The following ZBTB4 variants were observed in gnomAD, a reference collection of about 807,000 sequenced individuals.
ZBTB4 encodes the protein zinc finger and BTB domain containing 4.
In ZBTB4, 14 loss-of-function variants were observed where a neutral mutation model predicts 59.8. The observed-to-expected ratio is 0.23, with a 90% CI of 0.15 to 0.37. The LOEUF (loss-of-function observed/expected upper bound fraction) is 0.37. ZBTB4 is among the 10% of genes least tolerant of loss of function. ZBTB4 has a pLI of 1.00. For missense variants in ZBTB4, 1,198 were observed against 1,380.8 expected (o/e 0.87, Z 2.10); for synonymous variants, 587 against 575.2 (o/e 1.02, Z -0.29).
At chr17:7,482,268 T>G, upstream of ZBTB4, 1 of 1,614,032 alleles carries the variant, frequency 6.2e-7, no homozygotes, top group African/African-American at 1.3e-5. Context: ...GACCCCCTTC[T>G]GGGACCTCCT....
Position 7,466,920 on chromosome 17 carries a change from G to T in ZBTB4, c.-9-110C>A. The stretch of plus-strand genomic sequence containing the variant: ...AGGAGCTGCTGGTCAGAAACTAGTG[G>T]AAGGCTGAATCACTTCTGGTCACAG... On this transcript the variant is annotated intron_variant, in intron 2 of 3. Transcript: ENST00000380599. The surrounding 1 kb of genome is among the most constrained non-coding windows in gnomAD (Gnocchi z 9.1). The T allele has an allele frequency of 7.0e-7, 1 of 1,429,364 alleles. No homozygotes were observed. Among genetic ancestry groups the T allele is most frequent in the Non-Finnish European group, 9.1e-7 (1 of 1,093,586 alleles). 88.5% of individuals were successfully genotyped at this position (1,429,364 alleles called of 1,614,324 possible). A position where few individuals can be genotyped will look rare whatever the true frequency, so the allele number is the denominator to read the frequency against.
chr17:7,469,719 C>G (rs887095692), intron 1 of ZBTB4, among the ~76,000 whole-genome samples: 1 of 149,888 alleles, frequency 6.7e-6, no homozygotes, highest in South Asian at 2.1e-4. Flanking sequence ...GAGCCGAGAT[C>G]GCGCTGGATG....
At position 7,463,035 on chromosome 17, in the gene ZBTB4, C is replaced by CTCCTCCTCCTCTTCG. The variant is rs544254340; in HGVS notation, c.1932_1946dup (p.Asp644_Glu648dup). On this transcript the variant is annotated inframe_insertion, in exon 4 of 4. Transcript: ENST00000380599. The stretch of plus-strand genomic sequence containing the variant: ...CAGCCTTTGATTCCTCCTCATCCTC[C>CTCCTCCTCCTCTTCG]TCCTCCTCCTCTTCGTCCTCCTCCT... 30 of 1,611,250 alleles carry CTCCTCCTCCTCTTCG rather than the reference C, an allele frequency of 1.9e-5. No individual in the cohort carries two copies. The highest frequency in any genetic ancestry group is 1.3e-4 in the East Asian group (6 of 44,884).
At chr17:7,472,097 C>T (rs528116439) in intron 1 of ZBTB4, among the ~76,000 whole-genome samples, 4 of 152,278 alleles carry the variant, frequency 2.6e-5, no homozygotes, top group East Asian at 1.9e-4. Flanking sequence ...TTAGAAGCCA[C>T]CTTCCCCTGA....
rs1567683254 is a variant in ZBTB4 at position 7,462,401 on chromosome 17, C to CT, written c.2580dup (p.Val861SerfsTer36). The CT allele has an allele frequency of 6.2e-7, 1 of 1,613,990 alleles. No homozygotes were observed. The highest frequency in any genetic ancestry group is 1.7e-5 in the Admixed American group (1 of 60,014). On this transcript the variant is annotated frameshift_variant, in exon 4 of 4. Coordinates refer to ENST00000380599, the MANE Select transcript of ZBTB4 (RefSeq NM_001128833.2). LOFTEE classifies it high-confidence loss of function. The surrounding 1 kb of genome is among the most constrained non-coding windows in gnomAD (Gnocchi z 7.5). ...TATACATAGCTGCCCCCGCTTGCCA[C>CT]TACTGGGGGCTCCTCACCCCCTGAA...
At chr17:7,481,839 G>T, upstream of ZBTB4, 1 of 1,157,266 alleles carries the variant, frequency 8.6e-7, no homozygotes. Flanking sequence ...TCATCTTTTA[G>T]GCCCTTTCTA....
upstream of ZBTB4, chr17:7,482,595 C>T (rs774882206): frequency 6.2e-7 from 1 of 1,612,082 alleles, no homozygotes. Flanking sequence ...CTGGCGCTGT[C>T]CCTGGGGCTT....
intron 1 of ZBTB4, among the ~76,000 whole-genome samples, chr17:7,475,951 C>T (rs748300721): frequency 3.3e-5 from 5 of 152,200 alleles, no homozygotes; most frequent in Admixed American, 2.6e-4. Flanking sequence ...CAAGGTCTCA[C>T]GTGCTAAGTG....
upstream of ZBTB4, chr17:7,482,025 C>T: frequency 1.2e-6 from 2 of 1,611,016 alleles, no homozygotes; most frequent in South Asian, 1.1e-5. Flanking sequence ...CCTGACTCCA[C>T]ACACCCATCG....
At position 7,463,631 on chromosome 17, in the gene ZBTB4, T is replaced by A; in HGVS notation, c.1351A>T (p.Met451Leu). The A allele has an allele frequency of 6.2e-7, 1 of 1,609,268 alleles. No homozygotes were observed. Among genetic ancestry groups the A allele is most frequent in the South Asian group, 1.1e-5 (1 of 90,814 alleles). The stretch of plus-strand genomic sequence containing the variant: ...GGCCCAGGCGGCGGGCTGGCTGGCA[T>A]TGCCACAGGGGCCGGTGTGTTGAGG... ...PTLNTPAPVA[M>L]PASPPPGPPP... The change falls in exon 4 of 4, where the codon ATG (methionine) becomes TTG (leucine). Residue 451 changes from methionine (M) to leucine (L), a missense_variant. Coordinates refer to ENST00000380599, the MANE Select transcript of ZBTB4 (RefSeq NM_001128833.2).
At chr17:7,474,426 C>T (rs1309017563) in intron 1 of ZBTB4, among the ~76,000 whole-genome samples, 2 of 151,894 alleles carry the variant, frequency 1.3e-5, no homozygotes, top group Non-Finnish European at 2.9e-5. Flanking sequence ...ACCATGTTGC[C>T]CAGGTTGGTC....
At position 7,462,152 on chromosome 17, in the gene ZBTB4, G is replaced by C. The variant is rs764402120; in HGVS notation, c.2830C>G (p.Leu944Val). The change falls in exon 4 of 4, where the codon CTC (leucine) becomes GTC (valine). Residue 944 changes from leucine to valine, a missense_variant. This residue lies in a region of ZBTB4 where 211 missense variants were observed against 236.1 expected (regional missense o/e 0.89). Coordinates refer to ENST00000380599, the MANE Select transcript of ZBTB4 (RefSeq NM_001128833.2). The surrounding 1 kb of genome is among the most constrained non-coding windows in gnomAD (Gnocchi z 7.5). ...AGGACCATGTTGAGAGCAACCGGGA[G>C]AGCGGCCAAGTTACTGAAGTTGTAA... ...YPYNFSNLAA[L>V]PVALNMVLPD... 3 of 1,613,934 alleles carry C rather than the reference G, an allele frequency of 1.9e-6. No homozygotes were observed. The East Asian group carries it at 6.7e-5, about 36-fold the overall frequency.
intron 1 of ZBTB4, among the ~76,000 whole-genome samples, chr17:7,477,042 G>C (rs2070278105): frequency 6.6e-6 from 1 of 152,214 alleles, no homozygotes; most frequent in Non-Finnish European, 1.5e-5. Flanking sequence ...TTGAAAAAGG[G>C]AGGTAGAGTG....
intron 1 of ZBTB4, among the ~76,000 whole-genome samples, chr17:7,474,946 C>T (rs1374975556): frequency 4.7e-5 from 6 of 127,384 alleles, no homozygotes; most frequent in South Asian, 5.6e-4. Flanking sequence ...GGGGAGGTGG[C>T]GGTTGCAGCG....
At position 7,467,332 on chromosome 17, in the gene ZBTB4, G is replaced by A. The variant is rs143040412; in HGVS notation, c.-80-5C>T. On this transcript the variant is annotated splice_polypyrimidine_tract_variant and splice_region_variant and intron_variant, in intron 1 of 3. Transcript: ENST00000380599. Reference sequence around the variant, plus strand: ...CTTCTGCTGGGCCTCTTCCTTCTGCGGAGAAACAGAAATTATGTCAGGGGA... The same window carrying A: ...CTTCTGCTGGGCCTCTTCCTTCTGCAGAGAAACAGAAATTATGTCAGGGGA... 5.1e-4 allele frequency: 438 copies of A among 855,454 alleles called. No homozygotes were observed. The African/African-American group carries it at 7.2e-3, about 14-fold the overall frequency. 53.0% of individuals were successfully genotyped at this position (855,454 alleles called of 1,614,324 possible).
At position 7,466,144 on chromosome 17, in the gene ZBTB4, C is replaced by T. The variant is rs1334454416; in HGVS notation, c.658G>A (p.Ala220Thr). The stretch of plus-strand genomic sequence containing the variant: ...GAGCACTGCAAGTCAGGGGCCTGGG[C>T]CTCAGCCCTGTCACCCTCCCACTCC... ...AGEWEGDRAE[A>T]QAPDLQCSLP... The change falls in exon 3 of 4, where the codon GCC becomes ACC. Residue 220 changes from alanine to threonine, a missense_variant. By Grantham distance (58) the Ala-to-Thr change is moderately conservative. This residue lies in a region of ZBTB4 where 204 missense variants were observed against 205.5 expected (regional missense o/e 0.99). Coordinates refer to ENST00000380599, the MANE Select transcript of ZBTB4 (RefSeq NM_001128833.2). This position sits in a 1 kb window ranked among gnomAD's most constrained non-coding sequence, Gnocchi z 9.1. The T allele has an allele frequency of 6.2e-7, 1 of 1,612,384 alleles. No homozygotes were observed. The highest frequency in any genetic ancestry group is 8.5e-7 in the Non-Finnish European group (1 of 1,179,602).
intron 3 of ZBTB4, among the ~76,000 whole-genome samples, chr17:7,464,523 G>GT (rs2070084807): frequency 4.0e-5 from 6 of 151,070 alleles, no homozygotes; most frequent in Admixed American, 2.6e-4. Context: ...CCTCAGGATG[G>GT]CTTTTTTTTT....
rs1452649193 is a variant in ZBTB4 at position 7,461,974 on chromosome 17, C to T, written c.3008G>A (p.Gly1003Glu). The T allele has an allele frequency of 6.3e-7, 1 of 1,582,410 alleles. No homozygotes were observed. The highest frequency in any genetic ancestry group is 2.2e-5 in the East Asian group (1 of 44,584). ...ATCGCCCTTCTGGGTTCTCTCAACC[C>T]CTGCCCTTTCCCCTTCTCCCTTAGG... ...IPPKGEGERA[G>E]VERTQKGDVG is the part of the protein sequence containing the mutation. Residue 1003 changes from glycine to glutamate, a missense_variant, in exon 4 of 4, where the codon GGG becomes GAG. Transcript: ENST00000380599.
At position 7,466,099 on chromosome 17, in the gene ZBTB4, G is replaced by A. The variant is rs1228140824; in HGVS notation, c.703C>T (p.Pro235Ser). 3 of 1,606,644 alleles carry A rather than the reference G, an allele frequency of 1.9e-6. No individual in the cohort carries two copies. Among genetic ancestry groups the A allele is most frequent in the South Asian group, 2.2e-5 (2 of 90,682 alleles). Reference sequence around the variant, plus strand: ...AAGCTTTTTCCACACTGGGGGCAGGGGAGGGGCCGCCGGGGCAGGGAGCAC... The same window carrying A: ...AAGCTTTTTCCACACTGGGGGCAGGAGAGGGGCCGCCGGGGCAGGGAGCAC... ...LQCSLPRRPL[P>S]CPQCGKSFIH... The change falls in exon 3 of 4, where the codon CCC becomes TCC. Residue 235 changes from proline to serine, a missense_variant. Pro to Ser is a moderately conservative substitution (Grantham distance 74). Transcript: ENST00000380599. This position sits in a 1 kb window ranked among gnomAD's most constrained non-coding sequence, Gnocchi z 9.1.
Sources: gnomAD v4.1 joint callset for allele counts (sites outside exome capture counted in the v4.1 genomes callset) on GRCh38, gnomAD v4.1.1 for gene constraint, gnomAD v4.1.1 regional missense constraint, Gnocchi (gnomAD v3.1) non-coding constraint, MANE v1.5 for transcripts, NCBI Gene and HGNC (gene_info 2026-07-23, HGNC 2026-07-21) for gene names.